Variants in KIF26B observed in about 807,000 individuals in gnomAD.
The protein encoded by KIF26B is kinesin family member 26B.
A neutral mutation model predicts 151.2 loss-of-function variants in KIF26B; 63 were observed. That is an observed-to-expected ratio of 0.42 (90% CI 0.34 to 0.51). The LOEUF (loss-of-function observed/expected upper bound fraction) is 0.51, where lower values mean the gene tolerates loss of function less well. Ranked by LOEUF, KIF26B falls within the 20% of genes least tolerant of loss-of-function variation. The pLI is 0.07. For missense variants in KIF26B, 2,813 were observed against 2,913.6 expected, an observed-to-expected ratio of 0.97 and a Z score of 0.79; for synonymous variants, 1,357 against 1,262.1, an observed-to-expected ratio of 1.08 and a Z score of -1.59.
At chr1:245,165,597 G>A (rs1351629656) in intron 2 of KIF26B, among the ~76,000 whole-genome samples, 1 of 152,130 alleles carries the variant, frequency 6.6e-6, no homozygotes, top group African/African-American at 2.4e-5. Context: ...GGGGTGAGAC[G>A]ACAGACAGCT....
chr1:245,156,812 GAT>G, intron 2 of KIF26B, 129 bp downstream of exon 2: 2 of 515,278 alleles, frequency 3.9e-6, no homozygotes, highest in South Asian at 5.4e-5. Context: ...CGGCGCTGGG[GAT>G]GCTCCACACC....
At chr1:245,408,349 CT>C (rs58724712) in intron 3 of KIF26B, among the ~76,000 whole-genome samples, 2,032 of 113,256 alleles carry the variant, frequency 0.018, 71 homozygotes, top group African/African-American at 0.057. Context: ...TTAAATGATT[CT>C]TTTTTTTTTT....
intron 12 of KIF26B, among the ~76,000 whole-genome samples, chr1:245,689,390 C>T (rs961733774): frequency 1.2e-4 from 19 of 152,156 alleles, no homozygotes; most frequent in Non-Finnish European, 2.1e-4. Context: ...TGTGGGATAA[C>T]GCACAGATTG....
chr1:245,517,287 G>T (rs1350889248), intron 4 of KIF26B, among the ~76,000 whole-genome samples: 1 of 152,040 alleles, frequency 6.6e-6, no homozygotes, highest in Non-Finnish European at 1.5e-5. Flanking sequence ...CCCAGAAGGC[G>T]GAGGTTGCAG....
chr1:245,586,970 T>C (rs796469334), intron 5 of KIF26B, among the ~76,000 whole-genome samples: 7 of 151,964 alleles, frequency 4.6e-5, no homozygotes, highest in African/African-American at 1.4e-4. Context: ...GAACTTCTCA[T>C]GCATTATCTC....
intron 2 of KIF26B, among the ~76,000 whole-genome samples, chr1:245,179,909 G>C (rs1362946814): frequency 6.6e-6 from 1 of 152,196 alleles, no homozygotes; most frequent in Admixed American, 6.5e-5. Flanking sequence ...GAAGCACCTG[G>C]CGCATGGCCT....
intron 4 of KIF26B, among the ~76,000 whole-genome samples, chr1:245,479,287 G>C (rs1388748269): frequency 1.3e-5 from 2 of 151,858 alleles, no homozygotes; most frequent in Non-Finnish European, 2.9e-5. Context: ...TTCCAACAGT[G>C]AGCTCCTGTT....
chr1:245,439,096 C>G (rs1659001561), intron 4 of KIF26B, among the ~76,000 whole-genome samples: 1 of 151,974 alleles, frequency 6.6e-6, no homozygotes, highest in Non-Finnish European at 1.5e-5. Context: ...ACCTGTAATC[C>G]CAGAACTTTG....
rs531106498 is a variant in KIF26B at position 245,483,859 on chromosome 1, C to T, written c.1167-56908C>T. Among the ~76,000 whole-genome samples, 11 of 151,976 alleles carry T rather than the reference C, an allele frequency of 7.2e-5. No individual in the cohort carries two copies. In the South Asian group the frequency reaches 1.7e-3, roughly 23 times the overall value. The stretch of plus-strand genomic sequence containing the variant: ...CATATTTCCTGTTACTTTAGTGTAG[C>T]GAAGGCTTCTCCTCGTTCTTTTCTA... On this transcript the variant is annotated intron_variant, in intron 4 of 14. Transcript: ENST00000407071.
At chr1:245,179,604 G>A (rs558967425) in intron 2 of KIF26B, among the ~76,000 whole-genome samples, 3 of 152,070 alleles carry the variant, frequency 2.0e-5, no homozygotes, top group South Asian at 4.2e-4. Flanking sequence ...CAGCCTGGGC[G>A]ACAGAGCGAG....
intron 2 of KIF26B, among the ~76,000 whole-genome samples, chr1:245,319,529 C>A (rs897348486): frequency 1.3e-5 from 2 of 149,760 alleles, no homozygotes; most frequent in Admixed American, 6.6e-5. Flanking sequence ...TTTTTTTAAT[C>A]AAAATAAAAC....
chr1:245,646,219 C>G lies in KIF26B; in HGVS notation c.2197C>G (p.Leu733Val). ...AGGAGGCTCAGGGCTGTGTCTCTCG[C>G]TGTCTGCTCTGGGCAATGTCATCCT... Reference protein sequence around the residue: ...REGGSGLCLSLSALGNVILAL... With the variant: ...REGGSGLCLSVSALGNVILAL... The change falls in exon 10 of 15, where the codon CTG becomes GTG. Residue 733 changes from leucine (L) to valine (V), a missense_variant. Leu to Val is a conservative substitution (Grantham distance 32, BLOSUM62 1). Transcript: ENST00000407071. 6.2e-7 allele frequency: 1 copy of G among 1,614,012 alleles called. No individual in the cohort carries two copies. The highest frequency in any genetic ancestry group is 1.3e-5 in the African/African-American group (1 of 75,052).
chr1:245,366,788 C>G (rs1367243220), intron 2 of KIF26B, 46 bp from the exon 3 acceptor site: 3 of 1,588,012 alleles, frequency 1.9e-6, no homozygotes, highest in Non-Finnish European at 2.6e-6. Flanking sequence ...CACTAGCAGC[C>G]TTGGAGTTAT....
chr1:245,581,604 G>C (rs1379904780), intron 5 of KIF26B, among the ~76,000 whole-genome samples: 12 of 152,172 alleles, frequency 7.9e-5, no homozygotes, highest in Admixed American at 7.9e-4. Flanking sequence ...GTTCCTATAA[G>C]AGTCTACAAC....
chr1:245,646,237 G>A lies in KIF26B; in HGVS notation c.2215G>A (p.Val739Ile). The A allele has an allele frequency of 6.2e-7, 1 of 1,613,958 alleles. No homozygotes were observed. Among genetic ancestry groups the A allele is most frequent in the Non-Finnish European group, 8.5e-7 (1 of 1,179,872 alleles). ...LCLSLSALGNVILALVNGSKH... is the reference protein window; with the variant it reads ...LCLSLSALGNIILALVNGSKH... ...TCTCTCGCTGTCTGCTCTGGGCAAT[G>A]TCATCCTGGCTCTCGTCAATGGCAG... The change falls in exon 10 of 15, where the codon GTC becomes ATC. Residue 739 changes from valine to isoleucine, a missense_variant. Coordinates refer to ENST00000407071, the MANE Select transcript of KIF26B (RefSeq NM_018012.4).
intron 4 of KIF26B, among the ~76,000 whole-genome samples, chr1:245,484,244 C>A (rs929701781): frequency 2.0e-5 from 3 of 151,828 alleles, no homozygotes; most frequent in Non-Finnish European, 4.4e-5. Context: ...GGGCAGTATT[C>A]TAAATCTTAA....
chr1:245,353,656 G>T (rs1672618943), intron 2 of KIF26B: 1 of 152,736 alleles, frequency 6.5e-6, no homozygotes, highest in East Asian at 1.9e-4. Context: ...GACTGGAGCT[G>T]GCAGAGAGGT....
chr1:245,216,575 A>G (rs1363774923), intron 2 of KIF26B, among the ~76,000 whole-genome samples: 3 of 152,228 alleles, frequency 2.0e-5, no homozygotes, highest in East Asian at 3.8e-4. Context: ...CTAAATCTAG[A>G]TGGTACGCAG....
intron 10 of KIF26B, chr1:245,676,125 C>T (rs2044354472): frequency 6.6e-6 from 1 of 152,162 alleles, no homozygotes; most frequent in African/African-American, 2.4e-5. Context: ...TCAATCTTGA[C>T]AGAATTGTAT....
Sources: allele counts gnomAD v4.1 joint callset (sites outside exome capture counted in the v4.1 genomes callset), GRCh38; gene constraint gnomAD v4.1.1; transcripts MANE v1.5; gene names NCBI Gene and HGNC (gene_info 2026-07-23, HGNC 2026-07-21).